The following CACNG3 variants were observed in gnomAD, a reference collection of about 807,000 sequenced individuals.
CACNG3 encodes voltage-dependent calcium channel gamma-3 subunit.
Under a neutral mutation model 28.5 loss-of-function variants are expected in CACNG3, and 3 were observed. The observed-to-expected ratio is 0.11, with a 90% CI of 0.05 to 0.27. The LOEUF (loss-of-function observed/expected upper bound fraction) is 0.27. CACNG3 is among the 10% of genes least tolerant of loss of function. The pLI is 1.00. For synonymous variants in CACNG3, 174 were observed against 162.2 expected, an observed-to-expected ratio of 1.07 and a Z score of -0.55; for missense variants, 236 against 414.4, an observed-to-expected ratio of 0.57 and a Z score of 3.74.
intron 1 of CACNG3, among the ~76,000 whole-genome samples, chr16:24,341,074 T>C (rs534786500): frequency 2.0e-5 from 3 of 152,342 alleles, no homozygotes; most frequent in African/African-American, 7.2e-5. Context: ...CATTCTACTT[T>C]TCTAAGATTT....
intron 1 of CACNG3, among the ~76,000 whole-genome samples, chr16:24,297,201 T>C (rs1359806902): frequency 6.7e-6 from 1 of 150,150 alleles, no homozygotes. Context: ...TGAGCTATGA[T>C]TGCACCACGG....
At chr16:24,273,423 T>C (rs1898714879) in intron 1 of CACNG3, among the ~76,000 whole-genome samples, 1 of 152,210 alleles carries the variant, frequency 6.6e-6, no homozygotes, top group South Asian at 2.1e-4. Flanking sequence ...TCGTAGACTG[T>C]CTTAGCTTCC....
At chr16:24,336,981 A>G (rs1040161694) in intron 1 of CACNG3, among the ~76,000 whole-genome samples, 1 of 151,838 alleles carries the variant, frequency 6.6e-6, no homozygotes, top group African/African-American at 2.4e-5. Context: ...TGTCCAGTTA[A>G]TTTCTAAACT....
chr16:24,265,350 G>GGAAAGAAAGAAA (rs3060119), intron 1 of CACNG3, among the ~76,000 whole-genome samples: 18 of 138,812 alleles, frequency 1.3e-4, no homozygotes, highest in Admixed American at 5.3e-4. Context: ...GAAAGAAAAA[G>GGAAAGAAAGAAA]GAAAGAAAGA....
In CACNG3 at chr16:24,329,499, G is replaced by C. The variant is rs561142150; in HGVS notation, c.212-17235G>C. Among the ~76,000 whole-genome samples the C allele has an allele frequency of 2.0e-5, 3 of 152,264 alleles. No homozygotes were observed. The South Asian group carries it at 6.2e-4, about 32-fold the overall frequency. The stretch of plus-strand genomic sequence containing the variant: ...TCTTTATACAGACAGTTAAACATAG[G>C]CTCCAGTTTTGCAGGTTTGATTCTG... On this transcript the variant is annotated intron_variant, in intron 1 of 3. Coordinates refer to ENST00000005284, the MANE Select transcript of CACNG3 (RefSeq NM_006539.4).
intron 2 of CACNG3, among the ~76,000 whole-genome samples, chr16:24,354,148 C>T (rs1277500905): frequency 6.6e-6 from 1 of 152,124 alleles, no homozygotes; most frequent in Non-Finnish European, 1.5e-5. Context: ...GCCGTGATTG[C>T]ACCACTGCAC....
Position 24,268,635 on chromosome 16 carries a change from C to T in CACNG3, c.211+11670C>T, listed in dbSNP as rs2141346308. Among the ~76,000 whole-genome samples, 2 of 152,298 alleles carry T rather than the reference C, an allele frequency of 1.3e-5. 1 individual carries two copies. The highest frequency in any genetic ancestry group is 4.1e-4 in the South Asian group (2 of 4,828). The stretch of plus-strand genomic sequence containing the variant: ...GCACTAGGCTGTGAAGAAATACCAC[C>T]TCTGGAGATCAAATGTAAATTTTTC... On this transcript the variant is annotated intron_variant, in intron 1 of 3. Coordinates refer to ENST00000005284, the MANE Select transcript of CACNG3 (RefSeq NM_006539.4).
intron 1 of CACNG3, among the ~76,000 whole-genome samples, chr16:24,296,178 G>A (rs956850111): frequency 1.3e-5 from 2 of 152,106 alleles, no homozygotes; most frequent in Non-Finnish European, 2.9e-5. Flanking sequence ...TCTGTGACCC[G>A]ACTCCTGGTC....
chr16:24,343,052 A>G (rs111725623), intron 1 of CACNG3, among the ~76,000 whole-genome samples: 8 of 152,134 alleles, frequency 5.3e-5, no homozygotes, highest in African/African-American at 1.9e-4. Flanking sequence ...AGCTGGGCAT[A>G]GTGGTGCATG....
intron 1 of CACNG3, among the ~76,000 whole-genome samples, chr16:24,270,930 G>T (rs960711953): frequency 6.6e-6 from 1 of 152,180 alleles, no homozygotes; most frequent in Non-Finnish European, 1.5e-5. Context: ...ATCAGCAAGC[G>T]CAAAGGCTTG....
intron 1 of CACNG3, among the ~76,000 whole-genome samples, chr16:24,263,106 C>T (rs1022660504): frequency 4.6e-5 from 7 of 152,108 alleles, no homozygotes; most frequent in Non-Finnish European, 2.9e-5. Context: ...TAGATATTTA[C>T]TTGTAGAAAA....
At chr16:24,292,958 T>C (rs1189244663) in intron 1 of CACNG3, among the ~76,000 whole-genome samples, 1 of 152,182 alleles carries the variant, frequency 6.6e-6, no homozygotes, top group Non-Finnish European at 1.5e-5. Context: ...AGGAATTTGA[T>C]GAGATTGGAA....
rs776873057 is a variant in CACNG3, at chr16:24,332,688, G to A, written c.212-14046G>A. Reference sequence around the variant, plus strand: ...ATTCATTATCCAAATCCCTGTGTGCGCAAGGTTGCACGGACAGGCAAGTAA... The same window carrying A: ...ATTCATTATCCAAATCCCTGTGTGCACAAGGTTGCACGGACAGGCAAGTAA... On this transcript the variant is annotated intron_variant, in intron 1 of 3. Coordinates refer to ENST00000005284, the MANE Select transcript of CACNG3 (RefSeq NM_006539.4). Among the ~76,000 whole-genome samples, 6 of 152,084 alleles carry A rather than the reference G, an allele frequency of 3.9e-5. 1 individual carries two copies. The South Asian group carries it at 6.2e-4, about 16-fold the overall frequency.
intron 1 of CACNG3, among the ~76,000 whole-genome samples, chr16:24,294,052 T>C (rs1898999059): frequency 6.6e-6 from 1 of 152,184 alleles, no homozygotes; most frequent in Admixed American, 6.5e-5. Flanking sequence ...TCACCTTATC[T>C]CCCTTCTGAG....
intron 1 of CACNG3, among the ~76,000 whole-genome samples, chr16:24,267,474 G>A (rs1596621079): frequency 1.3e-5 from 2 of 152,144 alleles, no homozygotes; most frequent in Admixed American, 6.5e-5. Flanking sequence ...TTTTTGTAGA[G>A]ATGGGGTCTT....
chr16:24,279,926 G>C lies in CACNG3; in HGVS notation c.211+22961G>C, dbSNP rs545810640. ...AACACTCAAGTGGAGGTGTTAAAAG[G>C]GCCGCTGAATGCACTGCCCAAGAAC... On this transcript the variant is annotated intron_variant, in intron 1 of 3. Coordinates refer to ENST00000005284, the MANE Select transcript of CACNG3 (RefSeq NM_006539.4). 2.2e-4 allele frequency among the ~76,000 whole-genome samples: 33 copies of C among 152,284 alleles called. No individual in the cohort carries two copies. The South Asian group carries it at 6.6e-3, about 31-fold the overall frequency.
chr16:24,279,722 G>A (rs1178139610), intron 1 of CACNG3, among the ~76,000 whole-genome samples: 1 of 152,176 alleles, frequency 6.6e-6, no homozygotes, highest in Non-Finnish European at 1.5e-5. Context: ...CTTGAAAGCT[G>A]GAATCAACTT....
intron 1 of CACNG3, among the ~76,000 whole-genome samples, chr16:24,340,214 A>T (rs1231661723): frequency 2.6e-5 from 4 of 151,970 alleles, no homozygotes; most frequent in Non-Finnish European, 5.9e-5. Flanking sequence ...AAGATCGTGA[A>T]CATGACGAGA....
intron 1 of CACNG3, among the ~76,000 whole-genome samples, chr16:24,333,216 C>G (rs1899655210): frequency 6.6e-6 from 1 of 152,076 alleles, no homozygotes; most frequent in African/African-American, 2.4e-5. Context: ...CCCTGCCACT[C>G]CGAAATCAAC....
Sources: gnomAD v4.1 joint callset for allele counts (sites outside exome capture counted in the v4.1 genomes callset) on GRCh38, gnomAD v4.1.1 for gene constraint, MANE v1.5 for transcripts, NCBI Gene and HGNC (gene_info 2026-07-23, HGNC 2026-07-21) for gene names.